Variants in PTPN5 observed in about 807,000 individuals in gnomAD.
The protein encoded by PTPN5 is protein tyrosine phosphatase non-receptor type 5.
PTPN5 carries 29 observed loss-of-function variants against 73.9 expected under a neutral mutation model. The ratio of observed to expected loss-of-function variants is 0.39; its 90% confidence interval spans 0.29 to 0.54. The LOEUF (loss-of-function observed/expected upper bound fraction) is 0.54. Ranked by LOEUF, PTPN5 falls within the 20% of genes least tolerant of loss-of-function variation. The probability of loss-of-function intolerance (pLI) is 0.65; values close to 1 mark genes in which losing one functional copy is unlikely to be tolerated. For synonymous variants in PTPN5, 267 were observed against 304.7 expected, an observed-to-expected ratio of 0.88 and a Z score of 1.29; for missense variants, 652 against 751.4, an observed-to-expected ratio of 0.87 and a Z score of 1.55.
chr11:18,777,005 T>C (rs923518187), intron 1 of PTPN5, among the ~76,000 whole-genome samples: 1 of 152,082 alleles, frequency 6.6e-6, no homozygotes, highest in Non-Finnish European at 1.5e-5. Context: ...CTACTAAAAA[T>C]ACAAAATTAG....
At chr11:18,739,902 G>A (rs995807639) in intron 8 of PTPN5, among the ~76,000 whole-genome samples, 5 of 152,196 alleles carry the variant, frequency 3.3e-5, no homozygotes, top group African/African-American at 1.2e-4. Context: ...GAGATGTGCC[G>A]GCACCCCTGT....
chr11:18,752,774 G>A (rs923623241), intron 3 of PTPN5, among the ~76,000 whole-genome samples: 6 of 152,236 alleles, frequency 3.9e-5, no homozygotes, highest in African/African-American at 1.4e-4. Context: ...TGCCCATGCT[G>A]AGAACTAAAA....
chr11:18,763,315 T>A (rs1223576961), intron 3 of PTPN5, among the ~76,000 whole-genome samples: 1 of 152,148 alleles, frequency 6.6e-6, no homozygotes, highest in Non-Finnish European at 1.5e-5. Flanking sequence ...AGTGGCTCCA[T>A]GGGGACAACA....
chr11:18,756,408 T>G (rs529141107), intron 3 of PTPN5, among the ~76,000 whole-genome samples: 139 of 151,810 alleles, frequency 9.2e-4, no homozygotes, highest in African/African-American at 3.3e-3. Context: ...GTGATTCTTG[T>G]GCCTTAGCCT....
intron 3 of PTPN5, among the ~76,000 whole-genome samples, chr11:18,748,922 C>T (rs560558916): frequency 3.2e-4 from 48 of 152,144 alleles, no homozygotes; most frequent in South Asian, 1.0e-3. Context: ...CCACTGTGGT[C>T]CTAGGCCCGT....
At chr11:18,762,147 G>A (rs1477498912) in intron 3 of PTPN5, among the ~76,000 whole-genome samples, 2 of 152,128 alleles carry the variant, frequency 1.3e-5, no homozygotes, top group East Asian at 1.9e-4. Context: ...TGATGGGACT[G>A]TATGACCTGT....
At chr11:18,779,586 G>A (rs1590615538) in intron 1 of PTPN5, among the ~76,000 whole-genome samples, 2 of 152,214 alleles carry the variant, frequency 1.3e-5, no homozygotes, top group Admixed American at 6.5e-5. Context: ...AGAGGTTAGG[G>A]ACTGACATGA....
At chr11:18,749,681 C>T (rs1849796879) in intron 3 of PTPN5, among the ~76,000 whole-genome samples, 2 of 152,178 alleles carry the variant, frequency 1.3e-5, no homozygotes, top group African/African-American at 4.8e-5. Flanking sequence ...AAATGGCCTT[C>T]AGATTTCACC....
intron 8 of PTPN5, among the ~76,000 whole-genome samples, chr11:18,739,909 C>T (rs1849288327): frequency 6.6e-6 from 1 of 152,218 alleles, no homozygotes; most frequent in African/African-American, 2.4e-5. Flanking sequence ...GCCGGCACCC[C>T]TGTGGAGGGT....
At chr11:18,754,292 G>A (rs552652130) in intron 3 of PTPN5, among the ~76,000 whole-genome samples, 2 of 152,320 alleles carry the variant, frequency 1.3e-5, no homozygotes, top group East Asian at 1.9e-4. Context: ...GGGAGAGCTG[G>A]AGAGAGAGAA....
intron 12 of PTPN5, among the ~76,000 whole-genome samples, chr11:18,732,174 G>A (rs1044153507): frequency 2.0e-5 from 3 of 152,178 alleles, no homozygotes; most frequent in African/African-American, 7.2e-5. Flanking sequence ...GGGCACTACA[G>A]GCCAGAAGCC....
chr11:18,737,137 T>C (rs796997531), intron 9 of PTPN5, among the ~76,000 whole-genome samples: 7 of 152,354 alleles, frequency 4.6e-5, no homozygotes, highest in African/African-American at 1.7e-4. Flanking sequence ...ACGCCCAAGC[T>C]AGCCCTGGGG....
chr11:18,761,711 T>C (rs928081852), intron 3 of PTPN5, among the ~76,000 whole-genome samples: 4 of 152,100 alleles, frequency 2.6e-5, no homozygotes, highest in Non-Finnish European at 5.9e-5. Context: ...CTAGTCATTT[T>C]CAAGAGTGTG....
chr11:18,744,194 GGA>G lies in PTPN5; in HGVS notation c.101_102del (p.Leu34ProfsTer13). On this transcript the variant is annotated frameshift_variant, in exon 4 of 15. Transcript: ENST00000358540. LOFTEE classifies it high-confidence loss of function. Reference sequence around the variant, plus strand: ...AGTGCCTCCATCACTATCGGCTGGGGGAGACCTGTGGAAGATGGGCCATGCGG... The same window carrying G: ...AGTGCCTCCATCACTATCGGCTGGGGGACCTGTGGAAGATGGGCCATGCGG... Reference protein sequence around the residue: ...DMCCSERLPGLPQPIVMEALD... With the variant: ...DMCCSERLPGXPQPIVMEALD... 6.5e-7 allele frequency: 1 copy of G among 1,545,194 alleles called. No individual in the cohort carries two copies. Among genetic ancestry groups the G allele is most frequent in the East Asian group, 2.4e-5 (1 of 41,270 alleles).
intron 1 of PTPN5, among the ~76,000 whole-genome samples, chr11:18,772,599 T>A (rs1262690221): frequency 6.6e-6 from 1 of 151,978 alleles, no homozygotes; most frequent in East Asian, 1.9e-4. Context: ...GTGGGAGAAG[T>A]GGGTGCGGGC....
At chr11:18,749,392 C>T in intron 3 of PTPN5, 1 of 516,814 alleles carries the variant, frequency 1.9e-6, no homozygotes, top group Non-Finnish European at 3.9e-6. Context: ...CAGGGCTTTC[C>T]AGCATCAAGT....
At chr11:18,791,810 C>A (rs938133833), upstream of PTPN5, 3 of 152,048 alleles carry the variant, frequency 2.0e-5, no homozygotes, top group African/African-American at 7.2e-5. Flanking sequence ...CTGGCGCAGC[C>A]GCCGGGTGGG....
At chr11:18,745,608 C>A (rs1168986401) in intron 3 of PTPN5, among the ~76,000 whole-genome samples, 1 of 152,128 alleles carries the variant, frequency 6.6e-6, no homozygotes, top group Non-Finnish European at 1.5e-5. Context: ...TCAGATGTCC[C>A]CTGAAGTAGG....
intron 9 of PTPN5, among the ~76,000 whole-genome samples, chr11:18,734,495 T>A (rs11024774): frequency 6.6e-6 from 1 of 152,206 alleles, no homozygotes; most frequent in Non-Finnish European, 1.5e-5. Flanking sequence ...TTTATTTTTT[T>A]ATTTTTATTT....
Sources: gnomAD v4.1 joint callset for allele counts (sites outside exome capture counted in the v4.1 genomes callset) on GRCh38, gnomAD v4.1.1 for gene constraint, MANE v1.5 for transcripts, NCBI Gene and HGNC (gene_info 2026-07-23, HGNC 2026-07-21) for gene names.